Variants in PCDH15 observed in about 807,000 individuals in gnomAD.
PCDH15 encodes protocadherin-15.
A neutral mutation model predicts 178.5 loss-of-function variants in PCDH15; 129 were observed. The ratio of observed to expected loss-of-function variants is 0.72; its 90% CI spans 0.63 to 0.84. The LOEUF (loss-of-function observed/expected upper bound fraction) is 0.84, where lower values mean the gene tolerates loss of function less well. PCDH15 is among the 40% of genes least tolerant of loss of function. The probability of loss-of-function intolerance (pLI) is 0.00; values close to 1 mark genes in which losing one functional copy is unlikely to be tolerated. For missense variants in PCDH15, 2,230 were observed against 2,099.9 expected (o/e 1.06, Z -1.21); for synonymous variants, 800 against 732.0 (o/e 1.09, Z -1.50).
chr10:54,544,767 A>G (rs2085660693), intron 2 of PCDH15, among the ~76,000 whole-genome samples: 1 of 152,148 alleles, frequency 6.6e-6, no homozygotes, highest in South Asian at 2.1e-4. Flanking sequence ...GTTCAAAAAG[A>G]GGGTAAAACT....
intron 1 of PCDH15, among the ~76,000 whole-genome samples, chr10:54,690,041 C>T (rs1010463755): frequency 6.6e-6 from 1 of 152,156 alleles, no homozygotes; most frequent in Admixed American, 6.6e-5. Context: ...TCATGTGCCA[C>T]TTAACAATGT....
intron 2 of PCDH15, among the ~76,000 whole-genome samples, chr10:54,643,490 T>A (rs1204135178): frequency 1.3e-5 from 2 of 152,176 alleles, no homozygotes; most frequent in Non-Finnish European, 2.9e-5. Context: ...TCAAAGTTGG[T>A]ATACATATAG....
intron 23 of PCDH15, among the ~76,000 whole-genome samples, chr10:53,943,874 T>C (rs1357784106): frequency 6.6e-6 from 1 of 152,132 alleles, no homozygotes; most frequent in Non-Finnish European, 1.5e-5. Context: ...AATTATTTTC[T>C]ATTTTTTGGC....
intron 3 of PCDH15, among the ~76,000 whole-genome samples, chr10:54,411,632 A>G (rs1953533906): frequency 6.6e-6 from 1 of 152,212 alleles, no homozygotes; most frequent in Non-Finnish European, 1.5e-5. Flanking sequence ...TAAACACGTA[A>G]TAAGTGCTGG....
At chr10:54,963,460 G>A (rs1838707608) in intron 2 of PCDH15, among the ~76,000 whole-genome samples, 1 of 151,246 alleles carries the variant, frequency 6.6e-6, no homozygotes, top group Non-Finnish European at 1.5e-5. Flanking sequence ...TTGTTTCATT[G>A]TTTTTCTGTA....
chr10:55,613,875 G>A (rs567185109), intron 2 of PCDH15, among the ~76,000 whole-genome samples: 3 of 152,192 alleles, frequency 2.0e-5, no homozygotes, highest in Admixed American at 6.5e-5. Flanking sequence ...TTGGGATGCC[G>A]AGGCGGGTGG....
intron 8 of PCDH15, among the ~76,000 whole-genome samples, chr10:54,258,606 A>T (rs369229315): frequency 6.6e-6 from 1 of 152,218 alleles, no homozygotes; most frequent in African/African-American, 2.4e-5. Context: ...ACCTTGTGTA[A>T]CAAGTGAACC....
chr10:54,345,050 A>C (rs1413911996), intron 6 of PCDH15, among the ~76,000 whole-genome samples: 3 of 150,842 alleles, frequency 2.0e-5, no homozygotes, highest in East Asian at 3.9e-4. Flanking sequence ...TTTTGTGAGA[A>C]CACAATAGAG....
chr10:54,790,880 C>T (rs957559305), intron 1 of PCDH15, among the ~76,000 whole-genome samples: 17 of 151,788 alleles, frequency 1.1e-4, no homozygotes, highest in African/African-American at 3.6e-4. Flanking sequence ...CTAAATAAAA[C>T]TGCTTTAAAA....
In PCDH15 at chr10:55,086,069, T is replaced by C. The variant is rs577385035; in HGVS notation, c.-80+80507A>G. 1.8e-3 allele frequency among the ~76,000 whole-genome samples: 277 copies of C among 151,804 alleles called. 2 individuals carry two copies. Among genetic ancestry groups the C allele is most frequent in the African/African-American group, 6.0e-3 (248 of 41,502 alleles). On this transcript the variant is annotated intron_variant, in intron 2 of 5. Coordinates refer to the PCDH15 transcript ENST00000458638. The stretch of plus-strand genomic sequence containing the variant: ...GTAATTTGGGGATATATTTAATATG[T>C]ATTATTTTTATATTTTCTAAAAAGC...
intron 2 of PCDH15, among the ~76,000 whole-genome samples, chr10:55,442,004 T>C (rs1420607984): frequency 3.1e-4 from 47 of 152,052 alleles, no homozygotes; most frequent in Admixed American, 3.1e-3. Flanking sequence ...AGGCAAGGAA[T>C]GGATTATCTG....
intron 2 of PCDH15, among the ~76,000 whole-genome samples, chr10:54,536,441 C>T (rs1434714467): frequency 6.6e-6 from 1 of 151,772 alleles, no homozygotes; most frequent in South Asian, 2.1e-4. Flanking sequence ...AAAGGAAAAC[C>T]ACATTTTATT....
At chr10:54,667,938 A>T (rs1010713895) in intron 1 of PCDH15, among the ~76,000 whole-genome samples, 2 of 152,094 alleles carry the variant, frequency 1.3e-5, no homozygotes, top group Admixed American at 1.3e-4. Context: ...TTCCTATTAC[A>T]GTATAATATT....
intron 2 of PCDH15, among the ~76,000 whole-genome samples, chr10:55,578,388 T>C (rs1351387516): frequency 1.3e-5 from 2 of 151,702 alleles, no homozygotes; most frequent in East Asian, 3.9e-4. Flanking sequence ...TGGCTAATTG[T>C]TTTTGTATTT....
chr10:54,314,321 A>G (rs2061099542), intron 8 of PCDH15, among the ~76,000 whole-genome samples: 1 of 152,246 alleles, frequency 6.6e-6, no homozygotes, highest in Middle Eastern at 3.4e-3. Context: ...AGCCCAATAT[A>G]CTTGATCCTT....
chr10:55,574,910 C>T (rs1352703165), intron 2 of PCDH15, among the ~76,000 whole-genome samples: 1 of 151,958 alleles, frequency 6.6e-6, no homozygotes, highest in African/African-American at 2.4e-5. Context: ...CTTTTAGTAA[C>T]ATCTCTTGAT....
chr10:54,096,557 T>C (rs1225021073), intron 15 of PCDH15, among the ~76,000 whole-genome samples: 3 of 152,158 alleles, frequency 2.0e-5, no homozygotes, highest in Admixed American at 6.5e-5. Flanking sequence ...ATTTCAGTTC[T>C]GGGGCTGAGA....
intron 36 of PCDH15, 65 bp from the exon 37 acceptor site, chr10:53,810,729 G>T: frequency 7.2e-7 from 1 of 1,388,794 alleles, no homozygotes; most frequent in South Asian, 1.2e-5. Context: ...TACCATGAGT[G>T]ATCTGTTTCC....
At chr10:55,232,980 A>C (rs1425966926) in intron 1 of PCDH15, among the ~76,000 whole-genome samples, 2 of 152,106 alleles carry the variant, frequency 1.3e-5, no homozygotes, top group Non-Finnish European at 2.9e-5. Flanking sequence ...TGAGATAGTA[A>C]ATGTTCATTG....
Sources: allele counts gnomAD v4.1 joint callset (sites outside exome capture counted in the v4.1 genomes callset), GRCh38; gene constraint gnomAD v4.1.1; transcripts MANE v1.5; gene names NCBI Gene and HGNC (gene_info 2026-07-23, HGNC 2026-07-21).